Variants in COL11A1 observed in about 807,000 individuals in gnomAD.
COL11A1 encodes the protein collagen type XI alpha 1 chain.
Under a neutral mutation model 265.2 loss-of-function variants are expected in COL11A1, and 74 were observed. The observed-to-expected ratio is 0.28, with a 90% CI of 0.23 to 0.34. The LOEUF is 0.34. Ranked by LOEUF, COL11A1 falls within the 10% of genes least tolerant of loss-of-function variation. The pLI, the probability that COL11A1 is intolerant of heterozygous loss-of-function variation, is 1.00. For synonymous variants in COL11A1, 816 were observed against 727.6 expected, an observed-to-expected ratio of 1.12 and a Z score of -1.96; for missense variants, 2,165 against 2,263.6, an observed-to-expected ratio of 0.96 and a Z score of 0.88.
At chr1:103,064,618 G>A (rs897419939) in intron 4 of COL11A1, among the ~76,000 whole-genome samples, 2 of 150,428 alleles carry the variant, frequency 1.3e-5, no homozygotes, top group Non-Finnish European at 3.0e-5. Flanking sequence ...GTGAACCCGG[G>A]AGGCGGAGCT....
At chr1:102,962,983 G>T (rs1255825501) in intron 38 of COL11A1, among the ~76,000 whole-genome samples, 1 of 152,190 alleles carries the variant, frequency 6.6e-6, no homozygotes, top group East Asian at 1.9e-4. Context: ...TAAAAGGAAA[G>T]TACATAAATA....
chr1:102,896,279 C>T (rs145153154), intron 57 of COL11A1, among the ~76,000 whole-genome samples: 4,501 of 151,740 alleles, frequency 0.03, 94 homozygotes, highest in Middle Eastern at 0.08. Context: ...TGTTTCTGAA[C>T]CCAGGAGTTT....
chr1:102,887,034 T>TTGGACAA lies in COL11A1; in HGVS notation c.4630_4631insTTGTCCA (p.Gln1544LeufsTer18). The TTGGACAA allele has an allele frequency of 6.2e-7, 1 of 1,613,882 alleles. No homozygotes were observed. Among genetic ancestry groups the TTGGACAA allele is most frequent in the Non-Finnish European group, 8.5e-7 (1 of 1,179,808 alleles). Reference sequence around the variant, plus strand: ...TTTGGAGGACAAGATTGGTAAAGGCTGAATGACTTCACCAGGTGGACCCTG... The same window carrying TTGGACAA: ...TTTGGAGGACAAGATTGGTAAAGGCTTGGACAAGAATGACTTCACCAGGTGGACCCTG... On this transcript the variant is annotated frameshift_variant, in exon 63 of 67. Coordinates refer to ENST00000370096, the MANE Select transcript of COL11A1 (RefSeq NM_001854.4). LOFTEE classifies it high-confidence loss of function.
chr1:102,931,418 A>C (rs1201747566), intron 46 of COL11A1, among the ~76,000 whole-genome samples: 1 of 150,750 alleles, frequency 6.6e-6, no homozygotes, highest in African/African-American at 2.4e-5. Flanking sequence ...TGAGATTCTT[A>C]ATCCTGAGTT....
chr1:103,086,968 T>C (rs1672925013), intron 1 of COL11A1, among the ~76,000 whole-genome samples: 1 of 152,236 alleles, frequency 6.6e-6, no homozygotes, highest in East Asian at 1.9e-4. Flanking sequence ...AGATATTGCG[T>C]TTAATAAATT....
At chr1:103,010,442 A>C (rs1370089823) in intron 14 of COL11A1, among the ~76,000 whole-genome samples, 1 of 152,160 alleles carries the variant, frequency 6.6e-6, no homozygotes, top group Non-Finnish European at 1.5e-5. Context: ...TAAGTAGATA[A>C]AATTAATTAA....
At chr1:102,911,701 A>G (rs971916065) in intron 54 of COL11A1, among the ~76,000 whole-genome samples, 5 of 152,208 alleles carry the variant, frequency 3.3e-5, no homozygotes, top group African/African-American at 1.2e-4. Flanking sequence ...TTTCCGAGCC[A>G]GAGAAGTTTG....
chr1:102,910,434 T>C (rs1654516525), intron 54 of COL11A1, among the ~76,000 whole-genome samples: 1 of 152,028 alleles, frequency 6.6e-6, no homozygotes, highest in Non-Finnish European at 1.5e-5. Flanking sequence ...TTGCTGAGAG[T>C]TTGACTTGAG....
chr1:103,074,667 T>C lies in COL11A1; in HGVS notation c.602A>G (p.Asn201Ser), dbSNP rs201647477. Residue 201 changes from asparagine to serine, a missense_variant, in exon 4 of 67, where the codon AAT (asparagine) becomes AGT (serine). By Grantham distance (46) the Asn-to-Ser change is conservative. Transcript: ENST00000370096. ...DRSERAIVDT[N>S]GITVFGTRIL... Reference sequence around the variant, plus strand: ...CCTTGTTCCAAAAACCGTGATTCCATTGGTATCAACAATTGCTCTCTCACT... The same window carrying C: ...CCTTGTTCCAAAAACCGTGATTCCACTGGTATCAACAATTGCTCTCTCACT... 5.0e-6 allele frequency: 8 copies of C among 1,613,360 alleles called. No individual in the cohort carries two copies. The Admixed American group carries it at 1.0e-4, about 20-fold the overall frequency.
intron 65 of COL11A1, among the ~76,000 whole-genome samples, chr1:102,881,291 C>T (rs143103098): frequency 6.6e-6 from 1 of 152,052 alleles, no homozygotes; most frequent in African/African-American, 2.4e-5. Flanking sequence ...AAAAGTTGCA[C>T]ATTCCAACTT....
At chr1:102,975,219 C>A (rs1662349792) in intron 35 of COL11A1, among the ~76,000 whole-genome samples, 1 of 147,100 alleles carries the variant, frequency 6.8e-6, no homozygotes, top group African/African-American at 2.5e-5. Context: ...TAGAAACATT[C>A]ATACAAGGAA....
intron 21 of COL11A1, 89 bp from the exon 22 acceptor site, chr1:103,002,880 C>T (rs1665251756): frequency 3.3e-6 from 4 of 1,194,780 alleles, no homozygotes; most frequent in Non-Finnish European, 5.0e-6. Context: ...TCATGATATT[C>T]ACTACCCTAA....
At chr1:102,968,019 G>A (rs1402493759) in intron 37 of COL11A1, among the ~76,000 whole-genome samples, 2 of 152,140 alleles carry the variant, frequency 1.3e-5, no homozygotes, top group Admixed American at 6.5e-5. Flanking sequence ...AGACAGCATT[G>A]CCCATATGTC....
At chr1:103,059,685 T>G (rs1365256400) in intron 4 of COL11A1, among the ~76,000 whole-genome samples, 1 of 151,820 alleles carries the variant, frequency 6.6e-6, no homozygotes, top group Non-Finnish European at 1.5e-5. Context: ...TAACAAAGAA[T>G]CAAAAATAAA....
chr1:103,025,963 T>C, intron 6 of COL11A1: 1 of 1,607,698 alleles, frequency 6.2e-7, no homozygotes, highest in Non-Finnish European at 8.5e-7. Context: ...CTGTAAAATG[T>C]GGTGAAAGAT....
chr1:102,998,289 G>C, intron 25 of COL11A1, 21 bp downstream of exon 25: 1 of 1,596,716 alleles, frequency 6.3e-7, no homozygotes, highest in Non-Finnish European at 8.6e-7. Flanking sequence ...AAATTTTAAT[G>C]ACCAGGTAGC....
rs111528489 is a variant in COL11A1 at position 102,964,930 on chromosome 1, T to C, written c.2916+557A>G. 2.8e-3 allele frequency among the ~76,000 whole-genome samples: 419 copies of C among 152,314 alleles called. 3 individuals carry two copies. The highest frequency in any genetic ancestry group is 9.3e-3 in the African/African-American group (387 of 41,568). On this transcript the variant is annotated intron_variant, in intron 38 of 66. Coordinates refer to ENST00000370096, the MANE Select transcript of COL11A1 (RefSeq NM_001854.4). The stretch of plus-strand genomic sequence containing the variant: ...TACTGCACCAATTTTTGAGACTTCT[T>C]CTGCCACCTATCTTGAAATAAATAC...
chr1:102,915,767 T>G, intron 49 of COL11A1, 83 bp from the exon 50 acceptor site: 1 of 1,081,234 alleles, frequency 9.2e-7, no homozygotes, highest in Non-Finnish European at 1.4e-6. Context: ...CATATCATTT[T>G]AGATTAGCCC....
At chr1:102,937,180 A>G (rs906808395) in intron 44 of COL11A1, among the ~76,000 whole-genome samples, 3 of 152,190 alleles carry the variant, frequency 2.0e-5, no homozygotes, top group African/African-American at 4.8e-5. Flanking sequence ...ATATGATAGT[A>G]ACCCACATAG....
Sources: allele counts gnomAD v4.1 joint callset (sites outside exome capture counted in the v4.1 genomes callset), GRCh38; gene constraint gnomAD v4.1.1; transcripts MANE v1.5; gene names NCBI Gene and HGNC (gene_info 2026-07-23, HGNC 2026-07-21).